Variants in SHISA6 observed in about 807,000 individuals in gnomAD.
SHISA6 encodes protein shisa-6.
Under a neutral mutation model 47.9 loss-of-function variants are expected in SHISA6, and 22 were observed. The ratio of observed to expected loss-of-function variants is 0.46; its 90% confidence interval spans 0.33 to 0.66. The LOEUF is 0.66. SHISA6 is among the 30% of genes least tolerant of loss of function. The pLI is 0.02. For missense variants in SHISA6, 680 were observed against 764.6 expected (o/e 0.89, Z 1.30); for synonymous variants, 388 against 337.8 (o/e 1.15, Z -1.63).
chr17:11,377,044 TA>T (rs959224682), intron 2 of SHISA6, among the ~76,000 whole-genome samples: 1 of 152,214 alleles, frequency 6.6e-6, no homozygotes, highest in African/African-American at 2.4e-5. Flanking sequence ...TTGAAAAACA[TA>T]AAAGCTTCAT....
At chr17:11,354,917 G>C (rs1196179884) in intron 2 of SHISA6, among the ~76,000 whole-genome samples, 1 of 152,204 alleles carries the variant, frequency 6.6e-6, no homozygotes, top group Non-Finnish European at 1.5e-5. Context: ...AAAGGTCCTA[G>C]CAGCCACCTG....
chr17:11,383,700 C>T (rs912532309), intron 3 of SHISA6, among the ~76,000 whole-genome samples: 1 of 152,204 alleles, frequency 6.6e-6, no homozygotes, highest in African/African-American at 2.4e-5. Flanking sequence ...TACTTTTCCT[C>T]TTACTATCTC....
chr17:11,555,123 G>A (rs1264645477), intron 4 of SHISA6, among the ~76,000 whole-genome samples: 1 of 152,144 alleles, frequency 6.6e-6, no homozygotes, highest in African/African-American at 2.4e-5. Flanking sequence ...GGGCTTCAGA[G>A]AAAGGAATTA....
intron 3 of SHISA6, among the ~76,000 whole-genome samples, chr17:11,421,768 A>T (rs1281757119): frequency 6.6e-6 from 1 of 152,260 alleles, no homozygotes; most frequent in Non-Finnish European, 1.5e-5. Context: ...CAAATGGAGC[A>T]TGAGGCAGAT....
At chr17:11,523,097 T>C (rs971306902) in intron 3 of SHISA6, among the ~76,000 whole-genome samples, 1 of 152,190 alleles carries the variant, frequency 6.6e-6, no homozygotes, top group Non-Finnish European at 1.5e-5. Flanking sequence ...TGCTGAGCTC[T>C]CTCTGAGCCT....
At chr17:11,441,146 CA>C (rs1383448429) in intron 3 of SHISA6, among the ~76,000 whole-genome samples, 4 of 152,206 alleles carry the variant, frequency 2.6e-5, no homozygotes, top group Non-Finnish European at 5.9e-5. Flanking sequence ...AAGCCCTTCT[CA>C]GTTCTTCTGC....
chr17:11,359,751 G>T (rs536198297), intron 2 of SHISA6, among the ~76,000 whole-genome samples: 1 of 152,266 alleles, frequency 6.6e-6, no homozygotes, highest in Admixed American at 6.5e-5. Flanking sequence ...TTTGTTTTGG[G>T]CCCAAACAGT....
intron 3 of SHISA6, among the ~76,000 whole-genome samples, chr17:11,388,815 TA>T (rs1913287152): frequency 2.0e-5 from 2 of 102,474 alleles, no homozygotes; most frequent in African/African-American, 8.3e-5. Flanking sequence ...TATATATATA[TA>T]TATATATATA....
intron 2 of SHISA6, among the ~76,000 whole-genome samples, chr17:11,368,695 C>T (rs1018803357): frequency 7.2e-5 from 11 of 152,192 alleles, no homozygotes; most frequent in Admixed American, 5.9e-4. Context: ...CTTGCTCTGT[C>T]GCCCAGGCTG....
At chr17:11,530,907 G>A (rs978533696) in intron 3 of SHISA6, among the ~76,000 whole-genome samples, 1 of 152,136 alleles carries the variant, frequency 6.6e-6, no homozygotes, top group Admixed American at 6.5e-5. Context: ...GGAACTGCAC[G>A]GCAAATGGTG....
At chr17:11,467,995 A>G (rs1184001108) in intron 3 of SHISA6, among the ~76,000 whole-genome samples, 1 of 152,188 alleles carries the variant, frequency 6.6e-6, no homozygotes, top group Non-Finnish European at 1.5e-5. Context: ...ACAGAAGCAT[A>G]AAAAATTTCA....
chr17:11,481,489 T>G (rs939535739), intron 3 of SHISA6, among the ~76,000 whole-genome samples: 1 of 138,532 alleles, frequency 7.2e-6, no homozygotes, highest in African/African-American at 2.7e-5. Flanking sequence ...AATGACAAAC[T>G]GAAGTTTGTT....
rs1910550645 is a variant in SHISA6 at position 11,317,118 on chromosome 17, T to G, written c.799+53592T>G. ...GGAAAATACATATTTTATGTTTATA[T>G]GGCTACCTGTTTTTGTGTATAATTT... On this transcript the variant is annotated intron_variant, in intron 2 of 5. Transcript: ENST00000441885. Among the ~76,000 whole-genome samples, 3 of 152,260 alleles carry G rather than the reference T, an allele frequency of 2.0e-5. No individual in the cohort carries two copies. In the South Asian group the frequency reaches 6.2e-4, roughly 32 times the overall value.
intron 2 of SHISA6, among the ~76,000 whole-genome samples, chr17:11,323,575 A>C (rs1396929360): frequency 1.3e-5 from 2 of 151,802 alleles, no homozygotes; most frequent in Non-Finnish European, 2.9e-5. Flanking sequence ...AATCTCTTGA[A>C]CCCGGGAGGC....
At chr17:11,355,499 G>T (rs764086664) in intron 2 of SHISA6, among the ~76,000 whole-genome samples, 1 of 152,198 alleles carries the variant, frequency 6.6e-6, no homozygotes, top group African/African-American at 2.4e-5. Flanking sequence ...AACCAGCCAG[G>T]TGGGAAGCCA....
chr17:11,368,520 A>G (rs1912527097), intron 2 of SHISA6, among the ~76,000 whole-genome samples: 1 of 152,200 alleles, frequency 6.6e-6, no homozygotes, highest in African/African-American at 2.4e-5. Flanking sequence ...TGAAATATTC[A>G]GTATACTTGA....
intron 1 of SHISA6, among the ~76,000 whole-genome samples, chr17:11,249,336 A>G (rs1374406770): frequency 3.3e-5 from 5 of 151,478 alleles, no homozygotes; most frequent in African/African-American, 1.2e-4. Flanking sequence ...GCGTGTGTAT[A>G]TGTGTGTGTG....
intron 2 of SHISA6, among the ~76,000 whole-genome samples, chr17:11,280,387 T>G (rs1909076580): frequency 6.6e-6 from 1 of 152,196 alleles, no homozygotes; most frequent in Admixed American, 6.5e-5. Flanking sequence ...CAAGACTGAT[T>G]ATGGAAATGT....
intron 3 of SHISA6, among the ~76,000 whole-genome samples, chr17:11,530,195 T>TA (rs1297468077): frequency 2.6e-5 from 4 of 152,192 alleles, no homozygotes; most frequent in African/African-American, 9.7e-5. Context: ...TTCTGCCTGT[T>TA]ACGAGCCTTA....
Sources: allele counts gnomAD v4.1 joint callset (sites outside exome capture counted in the v4.1 genomes callset), GRCh38; gene constraint gnomAD v4.1.1; transcripts MANE v1.5; gene names NCBI Gene and HGNC (gene_info 2026-07-23, HGNC 2026-07-21).